Variants in ASIP observed in about 807,000 individuals in gnomAD.
ASIP encodes agouti signaling protein, also known as agouti-signaling protein.
Under a neutral mutation model 10.3 loss-of-function variants are expected in ASIP, and 11 were observed. That is an observed-to-expected ratio of 1.07 (90% CI 0.68 to 1.78). The LOEUF (loss-of-function observed/expected upper bound fraction) is 1.78, where lower values mean the gene tolerates loss of function less well. ASIP is among the 40% of genes most tolerant of loss of function. The probability of loss-of-function intolerance (pLI) is 0.00; values close to 1 mark genes in which losing one functional copy is unlikely to be tolerated. For synonymous variants in ASIP, 70 were observed against 70.8 expected, an observed-to-expected ratio of 0.99 and a Z score of 0.06; for missense variants, 180 against 169.2, an observed-to-expected ratio of 1.06 and a Z score of -0.35.
intron 1 of ASIP, among the ~76,000 whole-genome samples, chr20:34,203,556 C>A (rs1391916058): frequency 6.6e-6 from 1 of 151,836 alleles, no homozygotes; most frequent in Non-Finnish European, 1.5e-5. Context: ...TGCCACCACA[C>A]GTGGCTAATC....
At chr20:34,223,511 C>T (rs1445103860) in intron 1 of ASIP, among the ~76,000 whole-genome samples, 1 of 151,470 alleles carries the variant, frequency 6.6e-6, no homozygotes, top group South Asian at 2.1e-4. Context: ...GGTCAGCCCC[C>T]CCGCCCGGCC....
rs1568744450 is a variant in ASIP at position 34,201,007 on chromosome 20, TCCTTCCTTCCTTC to T, written c.-11+6248_-11+6260del. 1.7e-4 allele frequency among the ~76,000 whole-genome samples: 13 copies of T among 76,324 alleles called. No homozygotes were observed. In the African/African-American group the frequency reaches 1.7e-3, roughly 10 times the overall value. The allele number at this position is 76,324 out of a possible 152,430, so 50.1% of individuals were successfully genotyped here. On this transcript the variant is annotated intron_variant, in intron 1 of 3. Transcript: ENST00000568305. ...TTCCTTCCTTCCTTCCTTCCTTCCT[TCCTTCCTTCCTTC>T]TTTCTTTCTTTCTTTCTTTCTTTCT...
chr20:34,213,977 T>C (rs1385929952), intron 1 of ASIP: 1 of 1,578,758 alleles, frequency 6.3e-7, no homozygotes, highest in East Asian at 2.2e-5. Context: ...TCTAACAGAA[T>C]TTTAAACTTC....
chr20:34,192,083 C>G (rs930681556), upstream of ASIP, among the ~76,000 whole-genome samples: 9 of 151,650 alleles, frequency 5.9e-5, no homozygotes, highest in Admixed American at 5.3e-4. Flanking sequence ...CTCTTGTTGC[C>G]CATGGTGCAA....
intron 1 of ASIP, chr20:34,246,594 C>T: frequency 1.4e-6 from 1 of 702,760 alleles, no homozygotes; most frequent in South Asian, 1.5e-5. Flanking sequence ...CCTCCTAGGA[C>T]CACAGGCACA....
At chr20:34,197,031 G>A (rs1039678404) in intron 1 of ASIP, among the ~76,000 whole-genome samples, 1 of 141,678 alleles carries the variant, frequency 7.1e-6, no homozygotes, top group Non-Finnish European at 1.5e-5. Context: ...TTTGAATCTT[G>A]TTTAAAAGAT....
At chr20:34,190,822 G>A (rs772317041), upstream of ASIP, among the ~76,000 whole-genome samples, 2 of 152,166 alleles carry the variant, frequency 1.3e-5, no homozygotes, top group Non-Finnish European at 2.9e-5. Flanking sequence ...AAGGCTTCAG[G>A]AGCCCCAATC....
chr20:34,246,629 T>G, intron 1 of ASIP: 1 of 608,130 alleles, frequency 1.6e-6, no homozygotes, highest in East Asian at 3.2e-5. Context: ...ACTAATTTTT[T>G]GTATTTTTGG....
intron 1 of ASIP, among the ~76,000 whole-genome samples, chr20:34,224,484 C>A (rs1396476622): frequency 1.3e-5 from 2 of 151,474 alleles, no homozygotes; most frequent in South Asian, 4.2e-4. Context: ...GGCTTTTAGA[C>A]GTCAAAAGGG....
chr20:34,248,813 A>G, intron 1 of ASIP, among the ~76,000 whole-genome samples: 1 of 151,084 alleles, frequency 6.6e-6, no homozygotes, highest in East Asian at 2.0e-4. Context: ...AAACAGAAAG[A>G]AAGAAATATT....
At chr20:34,236,403 G>A (rs968901913) in intron 1 of ASIP, among the ~76,000 whole-genome samples, 1 of 152,158 alleles carries the variant, frequency 6.6e-6, no homozygotes, top group Admixed American at 6.5e-5. Context: ...AATTAGCCAG[G>A]CATGGTGGTG....
At chr20:34,216,292 C>T (rs1351707422) in intron 1 of ASIP, among the ~76,000 whole-genome samples, 2 of 152,246 alleles carry the variant, frequency 1.3e-5, no homozygotes, top group African/African-American at 4.8e-5. Flanking sequence ...GCGAAGCGCC[C>T]TCTCCGAGTA....
chr20:34,258,748 TATATA>T (rs1289095095), intron 1 of ASIP, among the ~76,000 whole-genome samples: 7 of 84,940 alleles, frequency 8.2e-5, no homozygotes, highest in South Asian at 3.0e-4. Context: ...ATATATACTA[TATATA>T]ATATATGATA....
At chr20:34,228,118 C>A in intron 1 of ASIP, among the ~76,000 whole-genome samples, 1 of 139,604 alleles carries the variant, frequency 7.2e-6, no homozygotes, top group Admixed American at 7.1e-5. Flanking sequence ...TAAAATCTAA[C>A]ACTATAGAAC....
chr20:34,258,828 A>G (rs1357168200), intron 1 of ASIP, among the ~76,000 whole-genome samples: 4 of 122,126 alleles, frequency 3.3e-5, no homozygotes, highest in Admixed American at 1.1e-4. Context: ...TACTATATAT[A>G]GTATTATATA....
chr20:34,252,669 C>T (rs1288605897), intron 1 of ASIP, among the ~76,000 whole-genome samples: 3 of 152,184 alleles, frequency 2.0e-5, no homozygotes, highest in African/African-American at 4.8e-5. Context: ...CCCTCTTTCA[C>T]TACTCCCCCT....
At chr20:34,227,958 T>A (rs1359219276) in intron 1 of ASIP, among the ~76,000 whole-genome samples, 1 of 152,216 alleles carries the variant, frequency 6.6e-6, no homozygotes, top group African/African-American at 2.4e-5. Flanking sequence ...GACTCACACA[T>A]GTATGGTCAA....
intron 1 of ASIP, among the ~76,000 whole-genome samples, chr20:34,217,954 A>C (rs1161283352): frequency 2.0e-5 from 3 of 152,178 alleles, no homozygotes; most frequent in African/African-American, 4.8e-5. Context: ...TACCAGTCTC[A>C]CCTTACTTGG....
chr20:34,232,300 G>A (rs1465576763), intron 1 of ASIP, among the ~76,000 whole-genome samples: 2 of 152,202 alleles, frequency 1.3e-5, no homozygotes, highest in Non-Finnish European at 2.9e-5. Flanking sequence ...TCTATAAGAT[G>A]AGGAGGAGCA....
Sources: allele counts gnomAD v4.1 joint callset (sites outside exome capture counted in the v4.1 genomes callset), GRCh38; gene constraint gnomAD v4.1.1; transcripts MANE v1.5; gene names NCBI Gene and HGNC (gene_info 2026-07-23, HGNC 2026-07-21).